SHOC2: variants seen among roughly 807,000 people sequenced by gnomAD.
SHOC2 encodes leucine-rich repeat protein SHOC-2.
In SHOC2, 4 loss-of-function variants were observed where a neutral mutation model predicts 50.2. The ratio of observed to expected loss-of-function variants is 0.08; its 90% CI spans 0.04 to 0.18. The LOEUF (loss-of-function observed/expected upper bound fraction) is 0.18, where lower values mean the gene tolerates loss of function less well. SHOC2 is among the 10% of genes least tolerant of loss of function. The pLI is 1.00. For synonymous variants in SHOC2, 218 were observed against 244.5 expected (o/e 0.89, Z 1.01); for missense variants, 388 against 669.6 (o/e 0.58, Z 4.64).
chr10:110,919,402 G>A (rs1267066673), upstream of SHOC2: 1 of 391,868 alleles, frequency 2.6e-6, no homozygotes, highest in Non-Finnish European at 4.5e-6. Flanking sequence ...AGAAGCTGGC[G>A]GCACTGCCCG....
At position 110,964,815 on chromosome 10, in the gene SHOC2, C is replaced by T. The variant is rs34081996; in HGVS notation, c.457C>T (p.Leu153=). The T allele has an allele frequency of 0.017, 27,733 of 1,614,080 alleles. 261 individuals are homozygous for T. The highest frequency in any genetic ancestry group is 0.02 in the Non-Finnish European group (23,582 of 1,179,954). ...TTTAGTAAATCTCATGACACTGGCTCTAAGTGAAAATTCACTTACCAGTTT... is the reference window on the plus strand; with the variant it reads ...TTTAGTAAATCTCATGACACTGGCTTTAAGTGAAAATTCACTTACCAGTTT... ...GCLVNLMTLA[L]SENSLTSLPD... The change falls in exon 2 of 9, where the codon CTA becomes TTA. Residue 153 remains leucine, a synonymous_variant. Coordinates refer to ENST00000369452, the MANE Select transcript of SHOC2 (RefSeq NM_007373.4). This position sits in a 1 kb window ranked among gnomAD's most constrained non-coding sequence, Gnocchi z 4.9.
At chr10:110,969,736 C>T (rs1210733733) in intron 2 of SHOC2, among the ~76,000 whole-genome samples, 1 of 151,984 alleles carries the variant, frequency 6.6e-6, no homozygotes, top group Non-Finnish European at 1.5e-5. Flanking sequence ...CAATAAAATG[C>T]TACATATTTA....
chr10:110,958,994 T>A (rs576873418), intron 1 of SHOC2, among the ~76,000 whole-genome samples: 3 of 152,318 alleles, frequency 2.0e-5, no homozygotes, highest in Non-Finnish European at 4.4e-5. Context: ...ACATTATTTT[T>A]AAAAATCTAT....
chr10:110,947,758 A>ATAAG (rs928034492), intron 1 of SHOC2, among the ~76,000 whole-genome samples: 1 of 149,680 alleles, frequency 6.7e-6, no homozygotes, highest in Non-Finnish European at 1.5e-5. Context: ...GAGAAAGCAA[A>ATAAG]TAAGTACCAA....
At chr10:110,934,655 T>C (rs1278228935) in intron 1 of SHOC2, among the ~76,000 whole-genome samples, 2 of 152,190 alleles carry the variant, frequency 1.3e-5, no homozygotes, top group Non-Finnish European at 2.9e-5. Context: ...ATTCCTTTTA[T>C]ATCTTACATG....
chr10:110,935,372 C>G (rs1311825490), intron 1 of SHOC2, among the ~76,000 whole-genome samples: 1 of 152,212 alleles, frequency 6.6e-6, no homozygotes, highest in African/African-American at 2.4e-5. Context: ...GCTATACTAA[C>G]TCAATTGTTG....
At chr10:110,997,998 CTTT>C (rs67929631) in intron 3 of SHOC2, among the ~76,000 whole-genome samples, 6 of 136,614 alleles carry the variant, frequency 4.4e-5, no homozygotes, top group Non-Finnish European at 4.8e-5. Flanking sequence ...TTATTATAGT[CTTT>C]TTTTTTTTTT....
intron 2 of SHOC2, among the ~76,000 whole-genome samples, chr10:110,979,084 C>T (rs1326323900): frequency 6.6e-6 from 1 of 152,180 alleles, no homozygotes. Context: ...GTGTCTCTCA[C>T]AAGGTTTTTC....
chr10:110,953,653 T>C (rs1352049620), intron 1 of SHOC2, among the ~76,000 whole-genome samples: 1 of 152,058 alleles, frequency 6.6e-6, no homozygotes, highest in Non-Finnish European at 1.5e-5. Context: ...AGGAGCACAA[T>C]TGATGGATTG....
In SHOC2 at chr10:110,992,276, A is replaced by G. The variant is rs529092225; in HGVS notation, c.841+6511A>G. Among the ~76,000 whole-genome samples, 4 of 152,316 alleles carry G rather than the reference A, an allele frequency of 2.6e-5. No individual in the cohort carries two copies. In the East Asian group the frequency reaches 7.7e-4, roughly 29 times the overall value. ...GGGATTACCAAGTTGCAGTTAAGTA[A>G]GAGAGTGCTTAAATACATATTTATA... is the stretch of plus-strand genomic sequence containing the variant. On this transcript the variant is annotated intron_variant, in intron 3 of 8. Transcript: ENST00000369452.
intron 4 of SHOC2, among the ~76,000 whole-genome samples, chr10:111,003,572 A>G (rs765175781): frequency 1.3e-5 from 2 of 152,218 alleles, no homozygotes; most frequent in Non-Finnish European, 2.9e-5. Flanking sequence ...AAAATGATAC[A>G]CTAGGTTCGG....
chr10:110,929,411 T>G (rs766752218), intron 1 of SHOC2, among the ~76,000 whole-genome samples: 2 of 152,214 alleles, frequency 1.3e-5, no homozygotes, highest in Non-Finnish European at 2.9e-5. Context: ...TTTTTTCATA[T>G]CAAAGCTTCT....
intron 1 of SHOC2, among the ~76,000 whole-genome samples, chr10:110,962,306 A>G (rs1332544186): frequency 1.3e-5 from 2 of 152,172 alleles, no homozygotes; most frequent in Non-Finnish European, 2.9e-5. Context: ...ATACAAATTG[A>G]TAAGCAATGC....
intron 3 of SHOC2, among the ~76,000 whole-genome samples, chr10:110,995,392 A>G (rs916509590): frequency 6.6e-6 from 1 of 152,244 alleles, no homozygotes; most frequent in Non-Finnish European, 1.5e-5. Flanking sequence ...GAATGGCTCA[A>G]TGAACAAATG....
At chr10:110,984,305 A>C (rs188080268) in intron 2 of SHOC2, among the ~76,000 whole-genome samples, 1 of 152,286 alleles carries the variant, frequency 6.6e-6, no homozygotes, top group East Asian at 1.9e-4. Context: ...TTAGAGAAAT[A>C]TCTATTGAAG....
chr10:110,970,732 T>G (rs1209363483), intron 2 of SHOC2, among the ~76,000 whole-genome samples: 1 of 131,118 alleles, frequency 7.6e-6, no homozygotes. Flanking sequence ...TGATGATGTT[T>G]TTTTTTTTTT....
chr10:110,995,959 A>G (rs548790762), intron 3 of SHOC2, among the ~76,000 whole-genome samples: 1 of 152,146 alleles, frequency 6.6e-6, no homozygotes, highest in Admixed American at 6.5e-5. Context: ...TTGTGTTGGA[A>G]GTTGTCTCCC....
intron 1 of SHOC2, among the ~76,000 whole-genome samples, chr10:110,948,369 A>G (rs1335001394): frequency 1.3e-5 from 2 of 152,220 alleles, no homozygotes; most frequent in Admixed American, 6.5e-5. Context: ...ACAGACTTGA[A>G]CAACATTTTA....
chr10:110,967,145 A>C (rs1394170218), intron 2 of SHOC2, among the ~76,000 whole-genome samples: 1 of 152,212 alleles, frequency 6.6e-6, no homozygotes, highest in East Asian at 1.9e-4. Context: ...TAATTATACT[A>C]TCTTATATCC....
Sources: allele counts gnomAD v4.1 joint callset (sites outside exome capture counted in the v4.1 genomes callset), GRCh38; gene constraint gnomAD v4.1.1; non-coding constraint Gnocchi (gnomAD v3.1); transcripts MANE v1.5; gene names NCBI Gene and HGNC (gene_info 2026-07-23, HGNC 2026-07-21).